The following AMPH variants were observed in gnomAD, a reference collection of about 807,000 sequenced individuals.
AMPH encodes the protein amphiphysin (Stiff-Mann syndrome with breast cancer 128kD autoantigen).
AMPH carries 49 observed loss-of-function variants against 99.1 expected under a neutral mutation model. The observed-to-expected ratio is 0.49, with a 90% CI of 0.39 to 0.63. AMPH has a LOEUF of 0.63. Ranked by LOEUF, AMPH falls within the 20% of genes least tolerant of loss-of-function variation. The pLI, the probability that AMPH is intolerant of heterozygous loss-of-function variation, is 0.00. For missense variants in AMPH, 759 were observed against 863.4 expected (o/e 0.88, Z 1.52); for synonymous variants, 314 against 317.3 (o/e 0.99, Z 0.11).
intron 5 of AMPH, among the ~76,000 whole-genome samples, chr7:38,479,982 GT>G (rs1788229619): frequency 6.6e-6 from 1 of 151,762 alleles, no homozygotes; most frequent in Admixed American, 6.6e-5. Context: ...CCGTAGTCCA[GT>G]TATGCCCAGC....
intron 1 of AMPH, among the ~76,000 whole-genome samples, chr7:38,587,296 G>A (rs1483898018): frequency 6.6e-6 from 1 of 152,164 alleles, no homozygotes; most frequent in African/African-American, 2.4e-5. Flanking sequence ...GGGCAGGTGG[G>A]TCAGGAGGTT....
intron 20 of AMPH, among the ~76,000 whole-genome samples, chr7:38,386,118 T>C (rs1784341478): frequency 6.6e-6 from 1 of 152,174 alleles, no homozygotes; most frequent in South Asian, 2.1e-4. Flanking sequence ...GCCCAATTTT[T>C]GAAGGCAGGA....
intron 1 of AMPH, among the ~76,000 whole-genome samples, chr7:38,580,181 T>C (rs1216466381): frequency 1.3e-5 from 2 of 152,140 alleles, no homozygotes; most frequent in Non-Finnish European, 2.9e-5. Context: ...GCCTTTCTCT[T>C]CCTAATATTG....
At chr7:38,568,551 G>C (rs1433705440) in intron 1 of AMPH, among the ~76,000 whole-genome samples, 2 of 152,234 alleles carry the variant, frequency 1.3e-5, no homozygotes, top group Non-Finnish European at 2.9e-5. Flanking sequence ...AAGCAAATAA[G>C]TGTTATCACA....
intron 1 of AMPH, among the ~76,000 whole-genome samples, chr7:38,546,933 G>A (rs769814902): frequency 3.9e-5 from 6 of 152,030 alleles, no homozygotes; most frequent in African/African-American, 7.2e-5. Flanking sequence ...CCTAAGAACC[G>A]CATCCTGCCC....
intron 1 of AMPH, among the ~76,000 whole-genome samples, chr7:38,628,721 C>T (rs1414233989): frequency 6.6e-6 from 1 of 152,116 alleles, no homozygotes; most frequent in Non-Finnish European, 1.5e-5. Context: ...AGTAAAATTT[C>T]CGAGTAGTAG....
chr7:38,505,022 G>A (rs879541554), intron 2 of AMPH, among the ~76,000 whole-genome samples: 5 of 151,964 alleles, frequency 3.3e-5, no homozygotes, highest in Non-Finnish European at 5.9e-5. Context: ...GTGGTGGTGG[G>A]GGGACCCTCT....
intron 7 of AMPH, among the ~76,000 whole-genome samples, chr7:38,473,293 T>C (rs1267197746): frequency 1.3e-5 from 2 of 152,212 alleles, no homozygotes; most frequent in African/African-American, 4.8e-5. Flanking sequence ...TGTTTGGAAC[T>C]AAATAGCTGT....
At chr7:38,396,666 TA>T (rs34478477) in intron 17 of AMPH, among the ~76,000 whole-genome samples, 11 of 152,226 alleles carry the variant, frequency 7.2e-5, no homozygotes, top group Non-Finnish European at 1.6e-4. Context: ...ATTCCTATAA[TA>T]AAAAGTTTAT....
At chr7:38,553,662 TC>T (rs1433501146) in intron 1 of AMPH, among the ~76,000 whole-genome samples, 3 of 152,212 alleles carry the variant, frequency 2.0e-5, no homozygotes, top group African/African-American at 7.2e-5. Context: ...AATATTGTCC[TC>T]CTGAGCTTTC....
chr7:38,566,773 C>G (rs1441959797), intron 1 of AMPH, among the ~76,000 whole-genome samples: 1 of 152,124 alleles, frequency 6.6e-6, no homozygotes, highest in Non-Finnish European at 1.5e-5. Context: ...ATGCAGCCAA[C>G]AGACACATGA....
chr7:38,404,653 A>T (rs1476369220), intron 17 of AMPH, among the ~76,000 whole-genome samples: 3 of 152,224 alleles, frequency 2.0e-5, no homozygotes, highest in African/African-American at 7.2e-5. Flanking sequence ...CATCCAAAGG[A>T]TGACTAATTT....
chr7:38,420,427 A>C (rs957422523), intron 16 of AMPH, among the ~76,000 whole-genome samples: 3 of 152,202 alleles, frequency 2.0e-5, no homozygotes. Flanking sequence ...GGTTGATCCC[A>C]TGCCACACCT....
intron 1 of AMPH, among the ~76,000 whole-genome samples, chr7:38,612,081 CTTCTTCT>C (rs1375677498): frequency 1.7e-5 from 2 of 119,686 alleles, no homozygotes; most frequent in South Asian, 2.4e-4. Context: ...GATTTTTTGT[CTTCTTCT>C]TTTTTTTTTT....
chr7:38,494,479 T>A lies in AMPH; in HGVS notation c.254A>T (p.Tyr85Phe). ...MKLTESLHEVYEPDWYGREDV... is the reference protein window; with the variant it reads ...MKLTESLHEVFEPDWYGREDV... Reference sequence around the variant, plus strand: ...TTCCCGCCCATACCAGTCAGGCTCATAGACTTCATGCAGCGACTCTGTGAG... The same window carrying A: ...TTCCCGCCCATACCAGTCAGGCTCAAAGACTTCATGCAGCGACTCTGTGAG... The change falls in exon 4 of 21, where the codon TAT (tyrosine) becomes TTT (phenylalanine). Residue 85 changes from tyrosine to phenylalanine, a missense_variant. This residue lies in a region of AMPH where 205 missense variants were observed against 287.9 expected (regional missense o/e 0.71). Coordinates refer to ENST00000356264, the MANE Select transcript of AMPH (RefSeq NM_001635.4). 1 of 1,613,970 alleles carries A rather than the reference T, an allele frequency of 6.2e-7. No homozygotes were observed.
chr7:38,593,473 C>T (rs552999453), intron 1 of AMPH, among the ~76,000 whole-genome samples: 1 of 152,214 alleles, frequency 6.6e-6, no homozygotes, highest in Non-Finnish European at 1.5e-5. Flanking sequence ...CTGAGTGGCT[C>T]TTACATTAAG....
intron 11 of AMPH, among the ~76,000 whole-genome samples, chr7:38,446,291 C>T (rs1370654928): frequency 6.6e-6 from 1 of 152,180 alleles, no homozygotes; most frequent in East Asian, 1.9e-4. Context: ...AACATATGAT[C>T]TAGCTAGTTT....
intron 1 of AMPH, among the ~76,000 whole-genome samples, chr7:38,616,953 G>A (rs568069336): frequency 6.6e-6 from 1 of 152,110 alleles, no homozygotes; most frequent in South Asian, 2.1e-4. Flanking sequence ...ATATAGATAA[G>A]ATATAGATAC....
At chr7:38,414,814 GC>G (rs1415396015) in intron 17 of AMPH, among the ~76,000 whole-genome samples, 1 of 152,020 alleles carries the variant, frequency 6.6e-6, no homozygotes, top group African/African-American at 2.4e-5. Context: ...ACAGGCACCT[GC>G]CATCATGCCA....
Sources: allele counts gnomAD v4.1 joint callset (sites outside exome capture counted in the v4.1 genomes callset), GRCh38; gene constraint gnomAD v4.1.1; regional missense constraint gnomAD v4.1.1; transcripts MANE v1.5; gene names NCBI Gene and HGNC (gene_info 2026-07-23, HGNC 2026-07-21).